PDE5A: variants seen among roughly 807,000 people sequenced by gnomAD.
The protein encoded by PDE5A is cGMP-specific 3',5'-cyclic phosphodiesterase.
In PDE5A, 67 loss-of-function variants were observed where a neutral mutation model predicts 110.2. That is an observed-to-expected ratio of 0.61 (90% CI 0.50 to 0.75). The LOEUF is 0.75. Ranked by LOEUF, PDE5A falls within the 30% of genes least tolerant of loss-of-function variation. The probability of loss-of-function intolerance (pLI) is 0.00; values close to 1 mark genes in which losing one functional copy is unlikely to be tolerated. For missense variants in PDE5A, 862 were observed against 1,045.1 expected, an observed-to-expected ratio of 0.82 and a Z score of 2.42; for synonymous variants, 328 against 351.2, an observed-to-expected ratio of 0.93 and a Z score of 0.74.
chr4:119,618,761 A>G (rs1730032676), intron 1 of PDE5A, among the ~76,000 whole-genome samples: 1 of 152,092 alleles, frequency 6.6e-6, no homozygotes, highest in African/African-American at 2.4e-5. Flanking sequence ...TCATAATTCT[A>G]AACTGGAGCA....
intron 3 of PDE5A, among the ~76,000 whole-genome samples, chr4:119,595,156 C>G (rs1729110791): frequency 6.6e-6 from 1 of 152,050 alleles, no homozygotes; most frequent in Non-Finnish European, 1.5e-5. Context: ...CAGAAACATT[C>G]TAATGAAAAA....
intron 11 of PDE5A, among the ~76,000 whole-genome samples, chr4:119,537,222 CAT>C (rs1432700178): frequency 2.0e-5 from 3 of 152,156 alleles, no homozygotes; most frequent in Non-Finnish European, 4.4e-5. Context: ...AAAAACTTCA[CAT>C]GATTCGGGCA....
intron 12 of PDE5A, among the ~76,000 whole-genome samples, chr4:119,521,861 G>A (rs1408287748): frequency 6.6e-6 from 1 of 152,018 alleles, no homozygotes; most frequent in Non-Finnish European, 1.5e-5. Context: ...AACATGGTCT[G>A]TGTTAGCATC....
intron 4 of PDE5A, among the ~76,000 whole-genome samples, chr4:119,566,528 G>A (rs1435775186): frequency 6.6e-6 from 1 of 152,140 alleles, no homozygotes; most frequent in Non-Finnish European, 1.5e-5. Flanking sequence ...TACTCCTTCA[G>A]AGTTGAACGA....
chr4:119,610,155 T>C (rs1048541281), intron 1 of PDE5A, among the ~76,000 whole-genome samples: 1 of 152,204 alleles, frequency 6.6e-6, no homozygotes, highest in Non-Finnish European at 1.5e-5. Context: ...GAAGACAACA[T>C]ACATTAATTA....
intron 2 of PDE5A, among the ~76,000 whole-genome samples, chr4:119,600,267 A>G (rs572406407): frequency 1.3e-5 from 2 of 152,262 alleles, no homozygotes; most frequent in African/African-American, 2.4e-5. Context: ...AAAAAGAAAA[A>G]TAATGCATCT....
intron 11 of PDE5A, among the ~76,000 whole-genome samples, chr4:119,527,745 A>G (rs1161819627): frequency 6.6e-6 from 1 of 151,178 alleles, no homozygotes; most frequent in East Asian, 1.9e-4. Context: ...GATTTTCTTC[A>G]GGGGATTTTA....
At chr4:119,553,492 T>C (rs1057172329) in intron 8 of PDE5A, 146 bp downstream of exon 8, 3 of 638,508 alleles carry the variant, frequency 4.7e-6, no homozygotes, top group Non-Finnish European at 8.4e-6. Context: ...TGATCTATTT[T>C]ATTCTCCTTC....
chr4:119,551,595 T>C (rs1429855491), intron 9 of PDE5A, among the ~76,000 whole-genome samples: 2 of 152,228 alleles, frequency 1.3e-5, no homozygotes, highest in African/African-American at 4.8e-5. Flanking sequence ...TGCACACTGA[T>C]ACAACTCTCT....
chr4:119,543,301 T>G (rs1016889010), intron 9 of PDE5A: 1 of 152,112 alleles, frequency 6.6e-6, no homozygotes, highest in African/African-American at 2.4e-5. Context: ...CTTAACTGGT[T>G]GTTCTATGAG....
intron 3 of PDE5A, among the ~76,000 whole-genome samples, chr4:119,588,731 G>A (rs754030173): frequency 7.2e-5 from 11 of 152,028 alleles, no homozygotes; most frequent in Admixed American, 4.6e-4. Flanking sequence ...TATGAGTTTC[G>A]GTAGGTGTTA....
intron 7 of PDE5A, among the ~76,000 whole-genome samples, chr4:119,554,907 T>C (rs1578771217): frequency 6.6e-6 from 1 of 152,222 alleles, no homozygotes; most frequent in East Asian, 1.9e-4. Flanking sequence ...GTCTGCAGAT[T>C]TTGGTATCTG....
In PDE5A at chr4:119,627,157, T is replaced by C. The variant is rs201005905; in HGVS notation, c.152+1363A>G. On this transcript the variant is annotated intron_variant, in intron 1 of 20. Transcript: ENST00000354960. The surrounding 1 kb of genome is among the most constrained non-coding windows in gnomAD (Gnocchi z 4.6). The stretch of plus-strand genomic sequence containing the variant: ...GGATGCTGAAGGAAGTACCTTGTTT[T>C]GTCTCCAAAGGGCAACATAGCAAAC... 1.2e-6 allele frequency: 2 copies of C among 1,613,342 alleles called. No homozygotes were observed. The highest frequency in any genetic ancestry group is 1.7e-6 in the Non-Finnish European group (2 of 1,179,608).
intron 3 of PDE5A, among the ~76,000 whole-genome samples, chr4:119,572,138 T>C (rs894052448): frequency 2.0e-5 from 3 of 152,182 alleles, no homozygotes; most frequent in Admixed American, 2.0e-4. Flanking sequence ...TGAAACTCCA[T>C]GTGGCAGTTG....
At chr4:119,553,875 T>G in intron 7 of PDE5A, 129 bp from the exon 8 acceptor site, 1 of 580,170 alleles carries the variant, frequency 1.7e-6, no homozygotes. Flanking sequence ...ATTTGGAAAA[T>G]GTAGCTTTAA....
intron 14 of PDE5A, chr4:119,512,273 G>C (rs1408110717): frequency 6.6e-6 from 1 of 152,022 alleles, no homozygotes; most frequent in Non-Finnish European, 1.5e-5. Flanking sequence ...TTAAAGTGTT[G>C]TTTATATTTA....
At position 119,606,911 on chromosome 4, in the gene PDE5A, A is replaced by T. The variant is rs1729554048; in HGVS notation, c.539T>A (p.Ile180Lys). The T allele has an allele frequency of 6.2e-7, 1 of 1,614,130 alleles. No homozygotes were observed. Among genetic ancestry groups the T allele is most frequent in the Non-Finnish European group, 8.5e-7 (1 of 1,180,048 alleles). The change falls in exon 2 of 21, where the codon ATA becomes AAA. Residue 180 changes from isoleucine to lysine, a missense_variant. Ile to Lys is a moderately radical substitution (Grantham distance 102). Transcript: ENST00000354960. ...HKIFLHIHGL[I>K]SADRYSLFLV... ...GAACAGGGAATAGCGGTCAGCAGAT[A>T]TCAGTCCATGGATATGCAAGAAAAT...
Position 119,560,707 on chromosome 4 carries a change from A to G in PDE5A, c.1132-344T>C, listed in dbSNP as rs554434333. Among the ~76,000 whole-genome samples, 38 of 152,342 alleles carry G rather than the reference A, an allele frequency of 2.5e-4. 1 individual carries two copies. The highest frequency in any genetic ancestry group is 2.4e-3 in the Admixed American group (36 of 15,296). On this transcript the variant is annotated intron_variant, in intron 6 of 20. Coordinates refer to ENST00000354960, the MANE Select transcript of PDE5A (RefSeq NM_001083.4). ...AAGTTTTGGCTTTTAACGCTTAAGT[A>G]CATTGATTGTTGTTAAATCCCAGGT... is the stretch of plus-strand genomic sequence containing the variant.
intron 4 of PDE5A, among the ~76,000 whole-genome samples, chr4:119,566,025 A>G (rs987103205): frequency 2.0e-5 from 3 of 151,004 alleles, no homozygotes; most frequent in Non-Finnish European, 3.0e-5. Context: ...TTTAGACAGC[A>G]TATCTTATCC....
Sources: allele counts gnomAD v4.1 joint callset (sites outside exome capture counted in the v4.1 genomes callset), GRCh38; gene constraint gnomAD v4.1.1; non-coding constraint Gnocchi (gnomAD v3.1); transcripts MANE v1.5; gene names NCBI Gene and HGNC (gene_info 2026-07-23, HGNC 2026-07-21).